The following IREB2 variants were observed in gnomAD, a reference collection of about 807,000 sequenced individuals.
The protein encoded by IREB2 is iron-responsive element-binding protein 2.
Under a neutral mutation model 118.8 loss-of-function variants are expected in IREB2, and 39 were observed. The observed-to-expected ratio is 0.33, with a 90% CI of 0.25 to 0.43. The LOEUF (loss-of-function observed/expected upper bound fraction) is 0.43. IREB2 is among the 20% of genes least tolerant of loss of function. IREB2 has a pLI of 1.00. For missense variants in IREB2, 900 were observed against 1,147.3 expected (o/e 0.78, Z 3.11); for synonymous variants, 372 against 392.2 (o/e 0.95, Z 0.61).
intron 18 of IREB2, among the ~76,000 whole-genome samples, chr15:78,493,076 T>C (rs1358819420): frequency 6.6e-6 from 1 of 152,118 alleles, no homozygotes; most frequent in Non-Finnish European, 1.5e-5. Context: ...ACCCAAATCT[T>C]ATCAAACCAC....
intron 2 of IREB2, among the ~76,000 whole-genome samples, chr15:78,440,120 CAAAG>C (rs908023123): frequency 7.2e-5 from 11 of 152,136 alleles, no homozygotes; most frequent in African/African-American, 1.4e-4. Flanking sequence ...TTTTTCCCCT[CAAAG>C]AAACCAATAA....
intron 1 of IREB2, 87 bp from the exon 2 acceptor site, chr15:78,439,708 C>T: frequency 1.4e-6 from 1 of 740,616 alleles, no homozygotes; most frequent in Non-Finnish European, 2.2e-6. Flanking sequence ...GCAGAAAATT[C>T]TATTGGATAA....
In IREB2 at chr15:78,471,774, A is replaced by T. The variant is rs191113858; in HGVS notation, c.733A>T (p.Ile245Phe). 1.2e-6 allele frequency: 2 copies of T among 1,610,992 alleles called. No homozygotes were observed. The highest frequency in any genetic ancestry group is 8.5e-7 in the Non-Finnish European group (1 of 1,178,748). ...SSRVFKNVAV[I>F]PPGTGMAHQI... The stretch of plus-strand genomic sequence containing the variant: ...AAGAGTTTTTAAGAATGTGGCAGTG[A>T]TCCCTCCTGGAACTGGAATGGCTCA... Residue 245 changes from isoleucine (I) to phenylalanine (F), a missense_variant, in exon 7 of 22, where the codon ATC becomes TTC. Coordinates refer to ENST00000258886, the MANE Select transcript of IREB2 (RefSeq NM_004136.4).
At chr15:78,444,293 A>C (rs942115619) in intron 2 of IREB2, among the ~76,000 whole-genome samples, 5 of 152,168 alleles carry the variant, frequency 3.3e-5, no homozygotes, top group Non-Finnish European at 7.3e-5. Flanking sequence ...GAGGACAGTT[A>C]ACATCAGAGA....
chr15:78,456,396 C>G (rs998205680), intron 2 of IREB2, among the ~76,000 whole-genome samples: 8 of 152,086 alleles, frequency 5.3e-5, no homozygotes, highest in African/African-American at 9.7e-5. Context: ...TGGTGGCTGG[C>G]TTATGCCTGT....
intron 10 of IREB2, among the ~76,000 whole-genome samples, chr15:78,481,069 C>G (rs557672553): frequency 6.6e-6 from 1 of 151,904 alleles, no homozygotes; most frequent in East Asian, 1.9e-4. Context: ...TAATTACAAC[C>G]CTTTGGGAGG....
intron 10 of IREB2, among the ~76,000 whole-genome samples, chr15:78,480,826 G>A (rs1267870478): frequency 4.0e-5 from 6 of 151,326 alleles, no homozygotes; most frequent in Non-Finnish European, 7.4e-5. Flanking sequence ...TGGGTAACAC[G>A]GTGAAACCCC....
At position 78,497,304 on chromosome 15, in the gene IREB2, A is replaced by C. The variant is rs765574473; in HGVS notation, c.2774A>C (p.Asn925Thr). The change falls in exon 21 of 22, where the codon AAT (asparagine) becomes ACT (threonine). Residue 925 changes from asparagine (N) to threonine (T), a missense_variant. By Grantham distance (65) the Asn-to-Thr change is moderately conservative. Coordinates refer to ENST00000258886, the MANE Select transcript of IREB2 (RefSeq NM_004136.4). ...GAACTGTCTCCTGGAATTACATTGAATATACAGGTATCTCTAAATTTTTCA... is the reference window on the plus strand; with the variant it reads ...GAACTGTCTCCTGGAATTACATTGACTATACAGGTATCTCTAAATTTTTCA... The part of the protein sequence containing the change: ...PEELSPGITL[N>T]IQTSTGKVFS... 41 of 1,607,328 alleles carry C rather than the reference A, an allele frequency of 2.6e-5. No homozygotes were observed. Among genetic ancestry groups the C allele is most frequent in the Non-Finnish European group, 2.7e-5 (32 of 1,174,686 alleles).
chr15:78,454,626 G>A (rs1418366376), intron 2 of IREB2, among the ~76,000 whole-genome samples: 3 of 152,144 alleles, frequency 2.0e-5, no homozygotes, highest in Non-Finnish European at 2.9e-5. Context: ...TACAAAAATC[G>A]CTAAATCATA....
rs2051889713 is a variant in IREB2, at chr15:78,498,915, G to A, written c.*772G>A. 1 of 152,136 alleles carries A rather than the reference G, an allele frequency of 6.6e-6. No homozygotes were observed. Among genetic ancestry groups the A allele is most frequent in the Non-Finnish European group, 1.5e-5 (1 of 68,020 alleles). The allele number at this position is 152,136 out of a possible 1,614,324, so 9.4% of individuals were successfully genotyped here. On this transcript the variant is annotated 3_prime_UTR_variant, in exon 22 of 22. Transcript: ENST00000258886. ...CCCCCAGATGGCGTTATATTAATTGGATTAGATTATTTTGCTCACCTTATG... is the reference window on the plus strand; with the variant it reads ...CCCCCAGATGGCGTTATATTAATTGAATTAGATTATTTTGCTCACCTTATG...
chr15:78,494,383 A>G (rs1280835732), intron 20 of IREB2, 119 bp downstream of exon 20: 19 of 1,000,484 alleles, frequency 1.9e-5, no homozygotes, highest in African/African-American at 1.3e-4. Flanking sequence ...CCTTATAGGT[A>G]TAGAGGGTTT....
At chr15:78,461,676 C>T (rs1447506262) in intron 2 of IREB2, among the ~76,000 whole-genome samples, 1 of 152,158 alleles carries the variant, frequency 6.6e-6, no homozygotes, top group African/African-American at 2.4e-5. Flanking sequence ...CTCCTCGCCC[C>T]CCTCCACCTC....
chr15:78,470,457 A>G, intron 5 of IREB2, 75 bp from the exon 6 acceptor site: 1 of 856,944 alleles, frequency 1.2e-6, no homozygotes, highest in Non-Finnish European at 1.8e-6. Flanking sequence ...ATGCCTAAGA[A>G]CGATGACTTA....
intron 2 of IREB2, among the ~76,000 whole-genome samples, chr15:78,453,682 A>G (rs932722280): frequency 6.6e-6 from 1 of 152,182 alleles, no homozygotes; most frequent in Non-Finnish European, 1.5e-5. Context: ...GCTTGTGGGT[A>G]TAGTAGGAGG....
intron 12 of IREB2, 139 bp downstream of exon 12, chr15:78,485,059 C>G (rs1272248917): frequency 1.4e-4 from 98 of 688,458 alleles, no homozygotes; most frequent in Non-Finnish European, 2.2e-4. Flanking sequence ...TTAGTTAGGT[C>G]TTAAGGAGCC....
chr15:78,445,409 G>A (rs1459599564), intron 2 of IREB2, among the ~76,000 whole-genome samples: 1 of 152,202 alleles, frequency 6.6e-6, no homozygotes, highest in Admixed American at 6.5e-5. Flanking sequence ...AAAGTGTTGA[G>A]ATTACAGGCA....
chr15:78,466,166 C>T, intron 4 of IREB2, 105 bp from the exon 5 acceptor site: 1 of 643,448 alleles, frequency 1.6e-6, no homozygotes, highest in South Asian at 2.1e-5. Context: ...CTTTAAACAT[C>T]ATTCAGTTAC....
intron 1 of IREB2, among the ~76,000 whole-genome samples, chr15:78,439,317 G>A (rs539514747): frequency 3.3e-5 from 5 of 151,696 alleles, no homozygotes; most frequent in African/African-American, 1.2e-4. Context: ...GTAAAAATCC[G>A]TCTTTTAGTT....
chr15:78,482,124 T>G (rs984417535), intron 10 of IREB2, among the ~76,000 whole-genome samples: 1 of 151,932 alleles, frequency 6.6e-6, no homozygotes, highest in African/African-American at 2.4e-5. Context: ...CAGCTACTTG[T>G]GGGGCTAAGG....
Sources: allele counts gnomAD v4.1 joint callset (sites outside exome capture counted in the v4.1 genomes callset), GRCh38; gene constraint gnomAD v4.1.1; transcripts MANE v1.5; gene names NCBI Gene and HGNC (gene_info 2026-07-23, HGNC 2026-07-21).